LRRC4C: variants seen among roughly 807,000 people sequenced by gnomAD.
The protein encoded by LRRC4C is leucine rich repeat containing 4C.
A neutral mutation model predicts 33.6 loss-of-function variants in LRRC4C; 5 were observed. The observed-to-expected ratio is 0.15, with a 90% confidence interval of 0.08 to 0.31. The LOEUF is 0.31. LRRC4C is among the 10% of genes least tolerant of loss of function. The pLI is 1.00. For synonymous variants in LRRC4C, 329 were observed against 302.0 expected, an observed-to-expected ratio of 1.09 and a Z score of -0.93; for missense variants, 560 against 796.7, an observed-to-expected ratio of 0.70 and a Z score of 3.58.
intron 4 of LRRC4C, among the ~76,000 whole-genome samples, chr11:40,262,647 C>T (rs1299342634): frequency 2.6e-5 from 4 of 152,158 alleles, no homozygotes; most frequent in Non-Finnish European, 5.9e-5. Flanking sequence ...GAATACTATG[C>T]AGCCATAAAA....
At chr11:40,810,997 A>G (rs572844369) in intron 2 of LRRC4C, among the ~76,000 whole-genome samples, 1 of 152,328 alleles carries the variant, frequency 6.6e-6, no homozygotes, top group Non-Finnish European at 1.5e-5. Flanking sequence ...AAAGCCCTGC[A>G]TAATCAGACC....
At chr11:41,450,380 G>A (rs867851092) in intron 1 of LRRC4C, among the ~76,000 whole-genome samples, 2 of 152,092 alleles carry the variant, frequency 1.3e-5, no homozygotes, top group Admixed American at 6.6e-5. Context: ...AGCAAAGGTG[G>A]AAAATATTTT....
intron 1 of LRRC4C, among the ~76,000 whole-genome samples, chr11:41,077,286 C>T (rs1296626709): frequency 2.0e-5 from 3 of 152,180 alleles, no homozygotes; most frequent in Non-Finnish European, 4.4e-5. Flanking sequence ...GGGGCTCCAA[C>T]CCCACATTTC....
intron 1 of LRRC4C, among the ~76,000 whole-genome samples, chr11:41,361,077 T>C (rs1338848758): frequency 1.3e-5 from 2 of 152,158 alleles, no homozygotes; most frequent in African/African-American, 4.8e-5. Context: ...CAGGCAGTTT[T>C]CCAGAAAATA....
At chr11:40,443,292 T>A (rs1951476787) in intron 3 of LRRC4C, among the ~76,000 whole-genome samples, 1 of 152,212 alleles carries the variant, frequency 6.6e-6, no homozygotes, top group African/African-American at 2.4e-5. Flanking sequence ...CAAGATATTA[T>A]CTTGAAACTT....
At chr11:40,330,136 A>C (rs1832207076) in intron 3 of LRRC4C, among the ~76,000 whole-genome samples, 1 of 152,110 alleles carries the variant, frequency 6.6e-6, no homozygotes, top group Admixed American at 6.5e-5. Context: ...TAGTCAAATT[A>C]TGAATCTATA....
chr11:40,208,063 T>C (rs1863290913), intron 5 of LRRC4C, among the ~76,000 whole-genome samples: 1 of 152,204 alleles, frequency 6.6e-6, no homozygotes, highest in South Asian at 2.1e-4. Context: ...CTTCAGAAGC[T>C]TTCTAGAACA....
chr11:40,780,788 C>CTT (rs11479844), intron 2 of LRRC4C, among the ~76,000 whole-genome samples: 2 of 143,890 alleles, frequency 1.4e-5, no homozygotes, highest in Non-Finnish European at 3.0e-5. Context: ...TGATAAGAGG[C>CTT]TTTTTTTTTT....
At chr11:41,437,271 G>A (rs1341109568) in intron 1 of LRRC4C, among the ~76,000 whole-genome samples, 1 of 152,116 alleles carries the variant, frequency 6.6e-6, no homozygotes, top group African/African-American at 2.4e-5. Context: ...TGGTGTCAAC[G>A]TAGTTAGTTG....
chr11:40,337,064 C>G (rs1281072346), intron 3 of LRRC4C, among the ~76,000 whole-genome samples: 4 of 149,254 alleles, frequency 2.7e-5, no homozygotes, highest in African/African-American at 1.0e-4. Flanking sequence ...CACCAAGAAG[C>G]GCACATCCGA....
At chr11:40,710,228 C>T (rs1282667192) in intron 2 of LRRC4C, among the ~76,000 whole-genome samples, 3 of 152,238 alleles carry the variant, frequency 2.0e-5, no homozygotes, top group South Asian at 2.1e-4. Context: ...TGCTTTGTTC[C>T]GTTGTTGGCG....
chr11:40,791,437 G>A (rs1479197947), intron 2 of LRRC4C, among the ~76,000 whole-genome samples: 2 of 152,074 alleles, frequency 1.3e-5, no homozygotes, highest in South Asian at 2.1e-4. Flanking sequence ...GAATAGGGAG[G>A]CTGAAAATTG....
chr11:40,438,607 A>G (rs1170855451), intron 3 of LRRC4C, among the ~76,000 whole-genome samples: 1 of 152,186 alleles, frequency 6.6e-6, no homozygotes. Flanking sequence ...ATCTGACTAC[A>G]TTAAAGGACT....
chr11:40,621,861 A>G (rs1312552043), intron 3 of LRRC4C, among the ~76,000 whole-genome samples: 2 of 151,868 alleles, frequency 1.3e-5, no homozygotes, highest in Admixed American at 6.6e-5. Context: ...CAACTTTATG[A>G]TATAGGTACT....
At chr11:40,726,935 T>C (rs762086007) in intron 2 of LRRC4C, among the ~76,000 whole-genome samples, 4 of 152,112 alleles carry the variant, frequency 2.6e-5, no homozygotes, top group Non-Finnish European at 4.4e-5. Context: ...AATAAACAAA[T>C]ATCAGTAGCC....
At chr11:40,763,471 T>C (rs753704342) in intron 2 of LRRC4C, among the ~76,000 whole-genome samples, 2 of 152,078 alleles carry the variant, frequency 1.3e-5, no homozygotes, top group South Asian at 2.1e-4. Flanking sequence ...AATATCCACA[T>C]AAAAAAGCAC....
intron 4 of LRRC4C, among the ~76,000 whole-genome samples, chr11:40,291,931 C>T (rs1944224982): frequency 7.0e-6 from 1 of 143,884 alleles, no homozygotes; most frequent in African/African-American, 2.5e-5. Flanking sequence ...TCTTGGGGAG[C>T]TTTTTTTTTT....
intron 2 of LRRC4C, among the ~76,000 whole-genome samples, chr11:40,890,285 C>T (rs1955643809): frequency 6.6e-6 from 1 of 152,156 alleles, no homozygotes; most frequent in Non-Finnish European, 1.5e-5. Flanking sequence ...TATCAAAGTA[C>T]TGGCACCTGG....
At chr11:40,323,501 C>A (rs900781967) in intron 3 of LRRC4C, among the ~76,000 whole-genome samples, 5 of 152,156 alleles carry the variant, frequency 3.3e-5, no homozygotes, top group Non-Finnish European at 5.9e-5. Context: ...ATTTTCATTG[C>A]CAGCCGATTT....
Sources: gnomAD v4.1 joint callset for allele counts (sites outside exome capture counted in the v4.1 genomes callset) on GRCh38, gnomAD v4.1.1 for gene constraint, MANE v1.5 for transcripts, NCBI Gene and HGNC (gene_info 2026-07-23, HGNC 2026-07-21) for gene names.